The following CYP3A7 variants were observed in gnomAD, a reference collection of about 807,000 sequenced individuals.
CYP3A7 encodes the protein cytochrome P450 3A7.
Under a neutral mutation model 55.2 loss-of-function variants are expected in CYP3A7, and 45 were observed. That is an observed-to-expected ratio of 0.82 (90% CI 0.64 to 1.05). The LOEUF is 1.05. CYP3A7 is among the 50% of genes least tolerant of loss of function. CYP3A7 has a pLI of 0.00. For synonymous variants in CYP3A7, 180 were observed against 207.4 expected (o/e 0.87, Z 1.13); for missense variants, 548 against 605.3 (o/e 0.91, Z 0.99).
At chr7:99,707,052 G>C (rs1375029970) in intron 12 of CYP3A7, among the ~76,000 whole-genome samples, 1 of 152,196 alleles carries the variant, frequency 6.6e-6, no homozygotes, top group Non-Finnish European at 1.5e-5. Flanking sequence ...CCCTGGACTA[G>C]GTCAAGAAGA....
chr7:99,731,501 G>T (rs1289204148), intron 1 of CYP3A7, among the ~76,000 whole-genome samples: 1 of 152,134 alleles, frequency 6.6e-6, no homozygotes, highest in Non-Finnish European at 1.5e-5. Flanking sequence ...TTAGTAAGTG[G>T]ACTCTTCCCT....
At chr7:99,716,013 A>G in intron 6 of CYP3A7, 107 bp from the exon 7 acceptor site, 1 of 1,600,952 alleles carries the variant, frequency 6.2e-7, no homozygotes, top group Non-Finnish European at 8.5e-7. Flanking sequence ...ACAAACAGCC[A>G]CAGACTTTCA....
intron 3 of CYP3A7, chr7:99,721,044 C>G (rs1027777601): frequency 6.5e-6 from 1 of 153,334 alleles, no homozygotes; most frequent in Non-Finnish European, 1.5e-5. Context: ...AACGAACACA[C>G]CACTGCACCT....
rs1220927730 is a variant in CYP3A7 at position 99,717,569 on chromosome 7, C to T, written c.389G>A (p.Arg130Gln). The change falls in exon 5 of 13, where the codon CGA (arginine) becomes CAA (glutamine). Residue 130 changes from arginine to glutamine, a missense_variant. Physicochemically the swap from Arg to Gln is conservative, Grantham distance 43. Coordinates refer to ENST00000336374, the MANE Select transcript of CYP3A7 (RefSeq NM_000765.5). ...IAEDEEWKRI[R>Q]SLLSPTFTSG... ...GGTGAATGTTGGAGACAGCAATGATCGTATTCTCTTCCATTCTTCATCCTC... is the reference window on the plus strand; with the variant it reads ...GGTGAATGTTGGAGACAGCAATGATTGTATTCTCTTCCATTCTTCATCCTC... 5 of 1,613,682 alleles carry T rather than the reference C, an allele frequency of 3.1e-6. No individual in the cohort carries two copies. Among genetic ancestry groups the T allele is most frequent in the Non-Finnish European group, 4.2e-6 (5 of 1,179,772 alleles).
Position 99,705,296 on chromosome 7 carries a change from G to T in CYP3A7, c.*204C>A. On this transcript the variant is annotated 3_prime_UTR_variant, in exon 13 of 13. Coordinates refer to ENST00000336374, the MANE Select transcript of CYP3A7 (RefSeq NM_000765.5). ...AAATCTACTTCCCCAGCACTGATTTGGTCATCTCCTCTATATTACCAAGTA... is the reference window on the plus strand; with the variant it reads ...AAATCTACTTCCCCAGCACTGATTTTGTCATCTCCTCTATATTACCAAGTA... 2 of 549,790 alleles carry T rather than the reference G, an allele frequency of 3.6e-6. No individual in the cohort carries two copies. The highest frequency in any genetic ancestry group is 6.3e-6 in the Non-Finnish European group (2 of 318,388). 34.1% of individuals were successfully genotyped at this position (549,790 alleles called of 1,614,324 possible).
At chr7:99,709,393 A>G in intron 10 of CYP3A7, 132 bp from the exon 11 acceptor site, 1 of 1,375,596 alleles carries the variant, frequency 7.3e-7, no homozygotes. Flanking sequence ...TAGCATTCAT[A>G]AAGTATTTTA....
chr7:99,733,235 T>C (rs1230638474), intron 1 of CYP3A7, among the ~76,000 whole-genome samples: 1 of 152,188 alleles, frequency 6.6e-6, no homozygotes, highest in Non-Finnish European at 1.5e-5. Flanking sequence ...ACTTTCTACA[T>C]GTTACATGAT....
intron 2 of CYP3A7, among the ~76,000 whole-genome samples, chr7:99,727,571 A>C (rs1814462284): frequency 6.6e-6 from 1 of 151,660 alleles, no homozygotes; most frequent in African/African-American, 2.4e-5. Flanking sequence ...CATTCACTCT[A>C]TTTCCCCATA....
chr7:99,717,430 A>C, intron 5 of CYP3A7, 96 bp downstream of exon 5: 1 of 1,584,860 alleles, frequency 6.3e-7, no homozygotes, highest in Non-Finnish European at 8.6e-7. Context: ...AATTCAGCAG[A>C]CTACTCCTCG....
intron 4 of CYP3A7, 129 bp from the exon 5 acceptor site, chr7:99,717,768 T>A (rs1278432709): frequency 7.6e-6 from 9 of 1,187,410 alleles, no homozygotes; most frequent in Non-Finnish European, 1.1e-5. Flanking sequence ...TGACAGGCCC[T>A]ATGACAGATG....
In CYP3A7 at chr7:99,714,642, AT is replaced by A. The variant is rs776327429; in HGVS notation, c.710del (p.Asn237IlefsTer10). On this transcript the variant is annotated frameshift_variant, in exon 8 of 13. Transcript: ENST00000336374. LOFTEE classifies it high-confidence loss of function. ...PFLTPILEAL[N>X]ITVFPRKVIS... ...TAACTTTTCTTGGAAACACAGTGAT[AT>A]TTAATGCTTCAAGAATTGGGGTAAG... 3 of 1,612,710 alleles carry A rather than the reference AT, an allele frequency of 1.9e-6. No homozygotes were observed. Among genetic ancestry groups the A allele is most frequent in the Non-Finnish European group, 2.5e-6 (3 of 1,179,260 alleles).
At chr7:99,733,817 T>C (rs1384428751) in intron 1 of CYP3A7, among the ~76,000 whole-genome samples, 1 of 152,254 alleles carries the variant, frequency 6.6e-6, no homozygotes, top group Non-Finnish European at 1.5e-5. Flanking sequence ...TTGCTTACTT[T>C]CTAGCCCTGA....
intron 5 of CYP3A7, 126 bp downstream of exon 5, chr7:99,717,400 G>A (rs1226550608): frequency 6.3e-7 from 1 of 1,584,264 alleles, no homozygotes; most frequent in African/African-American, 1.3e-5. Flanking sequence ...TACATAAAAA[G>A]ACTATTTTTA....
chr7:99,725,391 C>A (rs1261109465), intron 2 of CYP3A7, among the ~76,000 whole-genome samples: 1 of 152,152 alleles, frequency 6.6e-6, no homozygotes, highest in African/African-American at 2.4e-5. Context: ...AGAGAAGAGG[C>A]GGCCAAGTGA....
At chr7:99,726,032 G>A (rs1251149204) in intron 2 of CYP3A7, among the ~76,000 whole-genome samples, 3 of 152,138 alleles carry the variant, frequency 2.0e-5, no homozygotes, top group Non-Finnish European at 2.9e-5. Flanking sequence ...TTATTAGGCT[G>A]AGATATTTTA....
At position 99,715,990 on chromosome 7, in the gene CYP3A7, C is replaced by T. The variant is rs1813932309; in HGVS notation, c.522-84G>A. On this transcript the variant is annotated intron_variant, in intron 6 of 12. Transcript: ENST00000336374. ...TGCGTGCAGCAGGAAATCCACATGTCCAGTCAAGACAGACAAACAGCCACA... is the reference window on the plus strand; with the variant it reads ...TGCGTGCAGCAGGAAATCCACATGTTCAGTCAAGACAGACAAACAGCCACA... 3.7e-6 allele frequency: 6 copies of T among 1,609,948 alleles called. No homozygotes were observed. The Admixed American group carries it at 5.0e-5, about 13-fold the overall frequency.
At position 99,722,337 on chromosome 7, in the gene CYP3A7, CG is replaced by C; in HGVS notation, c.176del (p.Thr59SerfsTer31). On this transcript the variant is annotated frameshift_variant, in exon 3 of 13. Coordinates refer to ENST00000336374, the MANE Select transcript of CYP3A7 (RefSeq NM_000765.5). LOFTEE classifies it high-confidence loss of function. ...ACTTTTTATAACATTCCATGTCAAA[CG>C]TCCAATAGCCCTGGGAGGAGAAACA... Reference protein sequence around the residue: ...NALSFRKGYWTFDMECYKKYR... With the variant: ...NALSFRKGYWXFDMECYKKYR... The C allele has an allele frequency of 6.2e-7, 1 of 1,613,510 alleles. No homozygotes were observed. The highest frequency in any genetic ancestry group is 8.5e-7 in the Non-Finnish European group (1 of 1,179,628).
intron 12 of CYP3A7, among the ~76,000 whole-genome samples, chr7:99,706,795 C>G (rs78763483): frequency 2.0e-5 from 3 of 152,190 alleles, no homozygotes; most frequent in Non-Finnish European, 4.4e-5. Flanking sequence ...GCAAACCAAT[C>G]GACTGCATAT....
At chr7:99,732,619 C>G (rs1814671421) in intron 1 of CYP3A7, among the ~76,000 whole-genome samples, 1 of 152,060 alleles carries the variant, frequency 6.6e-6, no homozygotes, top group Middle Eastern at 3.2e-3. Flanking sequence ...GAAGACCTTC[C>G]CAGTTTGAGG....
Sources: allele counts gnomAD v4.1 joint callset (sites outside exome capture counted in the v4.1 genomes callset), GRCh38; gene constraint gnomAD v4.1.1; transcripts MANE v1.5; gene names NCBI Gene and HGNC (gene_info 2026-07-23, HGNC 2026-07-21).